The following TSHZ3 variants were observed in gnomAD, a reference collection of about 807,000 sequenced individuals.
TSHZ3 encodes teashirt zinc finger homeobox 3.
A neutral mutation model predicts 64.5 loss-of-function variants in TSHZ3; 10 were observed. That is an observed-to-expected ratio of 0.16 (90% CI 0.10 to 0.26). The LOEUF (loss-of-function observed/expected upper bound fraction) is 0.26. Among genes scored for constraint, TSHZ3 ranks in the 10% least tolerant of loss-of-function variants. TSHZ3 has a pLI of 1.00. For missense variants in TSHZ3, 1,242 were observed against 1,421.7 expected (o/e 0.87, Z 2.03); for synonymous variants, 608 against 593.1 (o/e 1.03, Z -0.36).
chr19:31,156,209 T>C (rs1310771240), intron 6 of TSHZ3, among the ~76,000 whole-genome samples: 1 of 152,232 alleles, frequency 6.6e-6, no homozygotes, highest in African/African-American at 2.4e-5. Context: ...CTGTCTGTTG[T>C]ATTCAATGAT....
At position 31,278,197 on chromosome 19, in the gene TSHZ3, G is replaced by A. The variant is rs61744684; in HGVS notation, c.1596C>T (p.Ser532=). ...ILKSLENTVT[S]AINKAQNGTP... is the part of the protein sequence containing the mutation. ...TGCCGTTCTGGGCCTTGTTGATTGC[G>A]GATGTCACTGTGTTTTCCAAGGATT... Residue 532 remains serine (S), a synonymous_variant, in exon 2 of 2, where the codon TCC becomes TCT. Transcript: ENST00000240587. This position sits in a 1 kb window ranked among gnomAD's most constrained non-coding sequence, Gnocchi z 4.7. 4.5e-4 allele frequency: 723 copies of A among 1,614,120 alleles called. 4 individuals carry two copies. The African/African-American group carries it at 7.3e-3, about 16-fold the overall frequency.
chr19:31,343,703 C>T (rs1038306480), intron 1 of TSHZ3, among the ~76,000 whole-genome samples: 1 of 151,240 alleles, frequency 6.6e-6, no homozygotes, highest in African/African-American at 2.4e-5. Context: ...CATTTCTAAG[C>T]GTAAATTTCT....
intron 3 of TSHZ3, among the ~76,000 whole-genome samples, chr19:31,231,054 AAAT>A (rs1286085611): frequency 2.0e-5 from 3 of 151,968 alleles, no homozygotes; most frequent in Admixed American, 2.0e-4. Flanking sequence ...TATGGACTAA[AAAT>A]AATAATAATG....
Position 31,280,186 on chromosome 19 carries a change from T to G in TSHZ3, c.41-434A>C, listed in dbSNP as rs189900662. On this transcript the variant is annotated intron_variant, in intron 1 of 1. Transcript: ENST00000240587. Reference sequence around the variant, plus strand: ...CTAATGCATTTCTTAACAGACAGATTCACAATTTAAATTAAGCAAGCATTT... The same window carrying G: ...CTAATGCATTTCTTAACAGACAGATGCACAATTTAAATTAAGCAAGCATTT... Among the ~76,000 whole-genome samples, 24 of 152,304 alleles carry G rather than the reference T, an allele frequency of 1.6e-4. 1 individual carries two copies. The highest frequency in any genetic ancestry group is 4.1e-4 in the South Asian group (2 of 4,824).
chr19:31,315,910 G>A (rs995891629), intron 1 of TSHZ3, among the ~76,000 whole-genome samples: 3 of 151,988 alleles, frequency 2.0e-5, no homozygotes, highest in South Asian at 2.1e-4. Context: ...ATAACCAGCC[G>A]GACAAAGACT....
intron 1 of TSHZ3, among the ~76,000 whole-genome samples, chr19:31,311,984 A>G (rs1361799460): frequency 6.6e-6 from 1 of 152,134 alleles, no homozygotes; most frequent in Non-Finnish European, 1.5e-5. Context: ...TCAACCTCCC[A>G]AAGTGCTCGG....
At chr19:31,159,042 C>T (rs1479861364) in intron 5 of TSHZ3, among the ~76,000 whole-genome samples, 1 of 152,180 alleles carries the variant, frequency 6.6e-6, no homozygotes, top group African/African-American at 2.4e-5. Flanking sequence ...CTTTGTCACC[C>T]ATGCTGGTGT....
At position 31,165,690 on chromosome 19, in the gene TSHZ3, G is replaced by A. The variant is rs112227049; in HGVS notation, n.810-9273C>T. 3.9e-5 allele frequency among the ~76,000 whole-genome samples: 6 copies of A among 152,214 alleles called. 1 individual carries two copies. Among genetic ancestry groups the A allele is most frequent in the East Asian group, 1.9e-4 (1 of 5,164 alleles). Reference sequence around the variant, plus strand: ...CCAATATTGTAAACTCTGTGGGTGGGTATTTGTGTGTGTCCCCGAATCAGA... The same window carrying A: ...CCAATATTGTAAACTCTGTGGGTGGATATTTGTGTGTGTCCCCGAATCAGA... On this transcript the variant is annotated intron_variant and non_coding_transcript_variant, in intron 5 of 6. Transcript: ENST00000651361.
chr19:31,208,606 T>C (rs540354876), intron 4 of TSHZ3, among the ~76,000 whole-genome samples: 3 of 152,246 alleles, frequency 2.0e-5, no homozygotes, highest in African/African-American at 7.2e-5. Context: ...ACTTGCAGGG[T>C]CCTTATGGGA....
intron 5 of TSHZ3, among the ~76,000 whole-genome samples, chr19:31,176,475 C>G (rs907436640): frequency 6.6e-6 from 1 of 152,144 alleles, no homozygotes; most frequent in Non-Finnish European, 1.5e-5. Context: ...TGTTCAATCT[C>G]ACTAATCATC....
chr19:31,193,877 A>C (rs1033439449), intron 5 of TSHZ3, among the ~76,000 whole-genome samples: 12 of 152,202 alleles, frequency 7.9e-5, no homozygotes, highest in African/African-American at 2.9e-4. Flanking sequence ...AATTAGTAGA[A>C]ATTTTTTAGA....
intron 1 of TSHZ3, among the ~76,000 whole-genome samples, chr19:31,263,440 G>A (rs567971976): frequency 3.8e-5 from 5 of 131,244 alleles, no homozygotes; most frequent in African/African-American, 2.5e-5. Context: ...CGCTGCCCAC[G>A]GCTGCCCCCC....
intron 4 of TSHZ3, among the ~76,000 whole-genome samples, chr19:31,223,802 G>A (rs773854906): frequency 3.6e-4 from 55 of 152,074 alleles, no homozygotes; most frequent in Non-Finnish European, 6.9e-4. Flanking sequence ...AATGGCACCC[G>A]TGGGGTTGGA....
At chr19:31,167,401 A>C (rs973409792) in intron 5 of TSHZ3, 1 of 152,220 alleles carries the variant, frequency 6.6e-6, no homozygotes. Flanking sequence ...CACTTTAAAA[A>C]TGGTGTAACA....
chr19:31,324,508 T>C (rs1916875994), intron 1 of TSHZ3, among the ~76,000 whole-genome samples: 1 of 152,252 alleles, frequency 6.6e-6, no homozygotes, highest in Admixed American at 6.5e-5. Flanking sequence ...ACAGCTTTCC[T>C]TCAAGCACCT....
At position 31,175,793 on chromosome 19, in the gene TSHZ3, G is replaced by A. The variant is rs573257720; in HGVS notation, n.810-19376C>T. ...GTGGGGCCCTGGCCAGGAGCAGGCA[G>A]GGAGTGGTGAGCATTCTTCCCCCAT... On this transcript the variant is annotated intron_variant and non_coding_transcript_variant, in intron 5 of 6. Transcript: ENST00000651361. Among the ~76,000 whole-genome samples the A allele has an allele frequency of 6.0e-4, 91 of 152,368 alleles. No homozygotes were observed. In the South Asian group the frequency reaches 8.3e-3, roughly 14 times the overall value.
chr19:31,332,593 C>T (rs1264822515), intron 1 of TSHZ3, among the ~76,000 whole-genome samples: 1 of 152,160 alleles, frequency 6.6e-6, no homozygotes, highest in East Asian at 1.9e-4. Flanking sequence ...CCCATCCCTA[C>T]TTAGTCTCAG....
exon 7 of TSHZ3, among the ~76,000 whole-genome samples, chr19:31,151,200 C>T (rs761991021): frequency 3.9e-5 from 6 of 152,060 alleles, no homozygotes; most frequent in South Asian, 2.1e-4. Flanking sequence ...GTGTAAGTGA[C>T]GGGAAAAGGT....
At chr19:31,294,626 A>G (rs2145134004) in intron 1 of TSHZ3, among the ~76,000 whole-genome samples, 1 of 152,350 alleles carries the variant, frequency 6.6e-6, no homozygotes, top group East Asian at 1.9e-4. Context: ...TGACATATAC[A>G]TGCCTACAGA....
Sources: gnomAD v4.1 joint callset for allele counts (sites outside exome capture counted in the v4.1 genomes callset) on GRCh38, gnomAD v4.1.1 for gene constraint, Gnocchi (gnomAD v3.1) non-coding constraint, MANE v1.5 for transcripts, NCBI Gene and HGNC (gene_info 2026-07-23, HGNC 2026-07-21) for gene names.